The following ZC3H3 variants were observed in gnomAD, a reference collection of about 807,000 sequenced individuals.
ZC3H3 encodes the protein zinc finger CCCH domain-containing protein 3.
A neutral mutation model predicts 77.3 loss-of-function variants in ZC3H3; 36 were observed. The ratio of observed to expected loss-of-function variants is 0.47; its 90% confidence interval spans 0.36 to 0.61. The LOEUF (loss-of-function observed/expected upper bound fraction) is 0.61. ZC3H3 is among the 20% of genes least tolerant of loss of function. ZC3H3 has a pLI of 0.00. For missense variants in ZC3H3, 1,331 were observed against 1,312.2 expected, an observed-to-expected ratio of 1.01 and a Z score of -0.22; for synonymous variants, 626 against 555.2, an observed-to-expected ratio of 1.13 and a Z score of -1.79.
At position 143,476,263 on chromosome 8, in the gene ZC3H3, G is replaced by A. The variant is rs400074; in HGVS notation, c.1716-678C>T. 7.7e-3 allele frequency among the ~76,000 whole-genome samples: 1,179 copies of A among 152,318 alleles called. 8 individuals are homozygous for A. The highest frequency in any genetic ancestry group is 0.027 in the African/African-American group (1,116 of 41,546). ...GAGCCCTGCACTGAGAGGGCATGGG[G>A]ACAGCCTCACAGACCCCGGGCCAGG... On this transcript the variant is annotated intron_variant, in intron 4 of 11. Transcript: ENST00000262577.
Position 143,538,969 on chromosome 8 carries a change from G to A in ZC3H3, c.398C>T (p.Ser133Phe). ...GGCCCCTGAGGCACTGGCAGAGCCA[G>A]ACTTTGATGGCGGTTTAACTTTGAT... ...VVIKVKPPSK[S>F]GSASASGAQR... is the part of the protein sequence containing the mutation. Residue 133 changes from serine to phenylalanine, a missense_variant, in exon 2 of 12, where the codon TCT (serine) becomes TTT (phenylalanine). Physicochemically the swap from Ser to Phe is radical, Grantham distance 155. This residue lies in a region of ZC3H3 where 978 missense variants were observed against 915.5 expected (regional missense o/e 1.07). Transcript: ENST00000262577. 1.2e-6 allele frequency: 2 copies of A among 1,613,108 alleles called. No individual in the cohort carries two copies. Among genetic ancestry groups the A allele is most frequent in the Non-Finnish European group, 1.7e-6 (2 of 1,180,038 alleles).
At chr8:143,520,303 C>A (rs1822199855) in intron 3 of ZC3H3, among the ~76,000 whole-genome samples, 1 of 152,330 alleles carries the variant, frequency 6.6e-6, no homozygotes, top group Non-Finnish European at 1.5e-5. Context: ...GGCAGGCTCC[C>A]CTGCTGGACC....
In ZC3H3 at chr8:143,509,204, C is replaced by T. The variant is rs566837132; in HGVS notation, c.1562-1305G>A. The stretch of plus-strand genomic sequence containing the variant: ...CTTCCCCAGAGTCCCCCAGAGTCCA[C>T]ATCAGAGAGTCTGCCGATTGTATTT... On this transcript the variant is annotated intron_variant, in intron 3 of 11. Coordinates refer to ENST00000262577, the MANE Select transcript of ZC3H3 (RefSeq NM_015117.3). 4.6e-5 allele frequency among the ~76,000 whole-genome samples: 7 copies of T among 152,354 alleles called. No homozygotes were observed. The South Asian group carries it at 1.4e-3, about 32-fold the overall frequency.
intron 9 of ZC3H3, among the ~76,000 whole-genome samples, chr8:143,441,562 G>A (rs1308888827): frequency 1.3e-5 from 2 of 152,142 alleles, no homozygotes; most frequent in Non-Finnish European, 2.9e-5. Context: ...GGTCAGCCAA[G>A]GCCAGGCTGC....
At chr8:143,469,369 G>A (rs933781501) in intron 5 of ZC3H3, among the ~76,000 whole-genome samples, 1 of 152,244 alleles carries the variant, frequency 6.6e-6, no homozygotes, top group Non-Finnish European at 1.5e-5. Context: ...GAAGGTGTGG[G>A]GGCAAAGCCC....
chr8:143,516,403 T>C (rs1402485767), intron 3 of ZC3H3, among the ~76,000 whole-genome samples: 1 of 152,046 alleles, frequency 6.6e-6, no homozygotes, highest in Non-Finnish European at 1.5e-5. Flanking sequence ...GCCCTGAGGC[T>C]GCTCCGCAGG....
chr8:143,461,895 T>TA (rs1397608674), intron 9 of ZC3H3, among the ~76,000 whole-genome samples: 1 of 151,706 alleles, frequency 6.6e-6, no homozygotes. Context: ...TGTACCACTC[T>TA]AAGTTTACTC....
chr8:143,521,044 A>G (rs1223328918), intron 3 of ZC3H3, among the ~76,000 whole-genome samples: 3 of 152,178 alleles, frequency 2.0e-5, no homozygotes, highest in Non-Finnish European at 4.4e-5. Flanking sequence ...TCTCAGCTGC[A>G]AACAGCTGGC....
rs118181325 is a variant in ZC3H3 at position 143,513,728 on chromosome 8, G to A, written c.1562-5829C>T. On this transcript the variant is annotated intron_variant, in intron 3 of 11. Coordinates refer to ENST00000262577, the MANE Select transcript of ZC3H3 (RefSeq NM_015117.3). ...CTCGTTGAAGGCAGCTCAGGCAACAGCTCTCGCTGTTCCTGGGACAGGAGG... is the reference window on the plus strand; with the variant it reads ...CTCGTTGAAGGCAGCTCAGGCAACAACTCTCGCTGTTCCTGGGACAGGAGG... Among the ~76,000 whole-genome samples, 743 of 152,346 alleles carry A rather than the reference G, an allele frequency of 4.9e-3. 1 individual carries two copies. The highest frequency in any genetic ancestry group is 7.3e-3 in the Non-Finnish European group (498 of 68,020).
rs1819978203 is a variant in ZC3H3, at chr8:143,451,154, A to G, written c.2308-10034T>C. Among the ~76,000 whole-genome samples, 7 of 152,252 alleles carry G rather than the reference A, an allele frequency of 4.6e-5. 1 individual carries two copies. In the South Asian group the frequency reaches 1.5e-3, roughly 32 times the overall value. ...GCACATCAGCCAGAACCCAAAACCT[A>G]CAGACACGGGAACAGGTGCTCCCAG... On this transcript the variant is annotated intron_variant, in intron 9 of 11. Coordinates refer to ENST00000262577, the MANE Select transcript of ZC3H3 (RefSeq NM_015117.3).
intron 3 of ZC3H3, among the ~76,000 whole-genome samples, chr8:143,534,190 G>A (rs1410763307): frequency 6.6e-6 from 1 of 151,490 alleles, no homozygotes; most frequent in African/African-American, 2.4e-5. Context: ...AGGGTCACTT[G>A]AGCCCAGGAG....
chr8:143,450,010 C>T (rs956473410), intron 9 of ZC3H3, among the ~76,000 whole-genome samples: 13 of 152,188 alleles, frequency 8.5e-5, no homozygotes, highest in African/African-American at 3.1e-4. Context: ...AAACTCTCCT[C>T]ATCTTGCTGT....
intron 3 of ZC3H3, among the ~76,000 whole-genome samples, chr8:143,516,167 T>C (rs560929126): frequency 1.3e-5 from 2 of 152,342 alleles, no homozygotes; most frequent in South Asian, 4.1e-4. Context: ...CGGCAGGAGC[T>C]GCCAGGACCG....
intron 4 of ZC3H3, among the ~76,000 whole-genome samples, chr8:143,485,812 T>C (rs1256345312): frequency 2.0e-5 from 3 of 152,108 alleles, no homozygotes; most frequent in Non-Finnish European, 2.9e-5. Flanking sequence ...AGAGGCCCTT[T>C]ACAGTAAAGA....
intron 9 of ZC3H3, among the ~76,000 whole-genome samples, chr8:143,465,115 A>G (rs1223352685): frequency 6.6e-6 from 1 of 152,030 alleles, no homozygotes; most frequent in Non-Finnish European, 1.5e-5. Flanking sequence ...TCATGCCCCT[A>G]GGAAGAGGGG....
chr8:143,517,232 C>T (rs1478086251), intron 3 of ZC3H3, among the ~76,000 whole-genome samples: 1 of 152,230 alleles, frequency 6.6e-6, no homozygotes, highest in Non-Finnish European at 1.5e-5. Context: ...GTGACAGTTG[C>T]TATAGATTAT....
At chr8:143,488,622 TG>T (rs1204880178) in intron 4 of ZC3H3, among the ~76,000 whole-genome samples, 1 of 152,140 alleles carries the variant, frequency 6.6e-6, no homozygotes, top group Non-Finnish European at 1.5e-5. Context: ...CAGGTGCTCA[TG>T]GGGTAGACAT....
intron 4 of ZC3H3, among the ~76,000 whole-genome samples, chr8:143,503,792 T>A (rs1821605887): frequency 6.7e-6 from 1 of 149,806 alleles, no homozygotes; most frequent in Non-Finnish European, 1.5e-5. Flanking sequence ...ACCACCTACC[T>A]CCTCCAGCAC....
At chr8:143,439,938 C>G (rs1410579404) in intron 11 of ZC3H3, 103 bp downstream of exon 11, 2 of 719,226 alleles carry the variant, frequency 2.8e-6, no homozygotes, top group Admixed American at 1.0e-4. Context: ...TACCTGAGTC[C>G]TTGCTGAGGG....
Sources: gnomAD v4.1 joint callset for allele counts (sites outside exome capture counted in the v4.1 genomes callset) on GRCh38, gnomAD v4.1.1 for gene constraint, gnomAD v4.1.1 regional missense constraint, MANE v1.5 for transcripts, NCBI Gene and HGNC (gene_info 2026-07-23, HGNC 2026-07-21) for gene names.